The following HS1BP3 variants were observed in gnomAD, a reference collection of about 807,000 sequenced individuals.
HS1BP3 encodes HCLS1-binding protein 3.
Under a neutral mutation model 33.5 loss-of-function variants are expected in HS1BP3, and 32 were observed. The ratio of observed to expected loss-of-function variants is 0.95; its 90% CI spans 0.72 to 1.28. HS1BP3 has a LOEUF of 1.28. Among genes scored for constraint, HS1BP3 ranks in the 50% most tolerant of loss-of-function variants. The pLI is 0.00. For missense variants in HS1BP3, 486 were observed against 502.3 expected (o/e 0.97, Z 0.31); for synonymous variants, 187 against 209.2 (o/e 0.89, Z 0.92).
chr2:20,607,160 T>TC (rs1405641992), intron 2 of HS1BP3, among the ~76,000 whole-genome samples: 1 of 101,036 alleles, frequency 9.9e-6, no homozygotes, highest in East Asian at 4.2e-4. Flanking sequence ...GCAACTTCAT[T>TC]CTTTTTTTTT....
At chr2:20,616,749 A>C (rs190433240), downstream of HS1BP3, among the ~76,000 whole-genome samples, 21 of 152,096 alleles carry the variant, frequency 1.4e-4, no homozygotes, top group East Asian at 3.7e-3. Context: ...CATTGTTTTA[A>C]AGGACAATCC....
At chr2:20,622,337 A>C (rs1383232536) in intron 6 of HS1BP3, 3 of 1,303,946 alleles carry the variant, frequency 2.3e-6, no homozygotes, top group Non-Finnish European at 3.0e-6. Context: ...TAAAAAAAAG[A>C]AAAGCAGTTA....
chr2:20,619,301 C>A, intron 6 of HS1BP3, 56 bp from the exon 7 acceptor site: 2 of 1,439,082 alleles, frequency 1.4e-6, no homozygotes, highest in Non-Finnish European at 1.9e-6. Flanking sequence ...GTGACAGGAA[C>A]AAGACCCCAG....
chr2:20,632,375 G>A (rs1032669351), intron 4 of HS1BP3, among the ~76,000 whole-genome samples: 1 of 152,232 alleles, frequency 6.6e-6, no homozygotes, highest in Non-Finnish European at 1.5e-5. Context: ...AGTGGGGAAT[G>A]CCCATCACCC....
chr2:20,569,441 T>G (rs1301379151), intron 5 of HS1BP3, among the ~76,000 whole-genome samples: 1 of 152,162 alleles, frequency 6.6e-6, no homozygotes, highest in Admixed American at 6.5e-5. Flanking sequence ...GGTGGCCAAA[T>G]TTGACAAAGA....
chr2:20,604,371 C>A (rs1381759890), intron 2 of HS1BP3, among the ~76,000 whole-genome samples: 1 of 152,172 alleles, frequency 6.6e-6, no homozygotes, highest in Non-Finnish European at 1.5e-5. Context: ...AAGACTGCCC[C>A]GGGACAGCCT....
chr2:20,639,548 T>C (rs1695273031), intron 3 of HS1BP3, among the ~76,000 whole-genome samples: 1 of 152,250 alleles, frequency 6.6e-6, no homozygotes, highest in Non-Finnish European at 1.5e-5. Flanking sequence ...TTAGAGAGTG[T>C]CTGGCATACA....
intron 3 of HS1BP3, among the ~76,000 whole-genome samples, chr2:20,597,106 T>C (rs1258081289): frequency 2.0e-5 from 3 of 152,192 alleles, no homozygotes; most frequent in Non-Finnish European, 4.4e-5. Context: ...CCTCTGTGTT[T>C]ATGACATGGC....
intron 2 of HS1BP3, among the ~76,000 whole-genome samples, chr2:20,612,166 G>T (rs942311019): frequency 6.6e-6 from 1 of 152,148 alleles, no homozygotes; most frequent in Non-Finnish European, 1.5e-5. Context: ...AGGAAATTGG[G>T]GCACAGAGAG....
At chr2:20,612,382 T>G (rs1694335107) in intron 2 of HS1BP3, among the ~76,000 whole-genome samples, 1 of 152,252 alleles carries the variant, frequency 6.6e-6, no homozygotes, top group Non-Finnish European at 1.5e-5. Context: ...ACAATTTTAG[T>G]AAACTTATCA....
intron 2 of HS1BP3, among the ~76,000 whole-genome samples, chr2:20,604,235 G>C (rs892654217): frequency 2.6e-5 from 4 of 152,216 alleles, no homozygotes; most frequent in African/African-American, 9.6e-5. Flanking sequence ...ATGGAGCCTA[G>C]GGGATGGTCT....
chr2:20,607,438 G>T (rs1390814644), intron 2 of HS1BP3, among the ~76,000 whole-genome samples: 1 of 152,196 alleles, frequency 6.6e-6, no homozygotes, highest in African/African-American at 2.4e-5. Flanking sequence ...TTACAGGCAT[G>T]AGCCACCACA....
At chr2:20,564,290 C>G (rs751205114) in intron 5 of HS1BP3, among the ~76,000 whole-genome samples, 2 of 152,190 alleles carry the variant, frequency 1.3e-5, no homozygotes, top group African/African-American at 2.4e-5. Flanking sequence ...GCAGGGTGGA[C>G]GGCTGTGACT....
chr2:20,615,940 G>A (rs1048259271), downstream of HS1BP3, among the ~76,000 whole-genome samples: 73 of 152,310 alleles, frequency 4.8e-4, 1 homozygote, highest in African/African-American at 1.7e-3. Context: ...GCTCTCCAGG[G>A]GGGCCCATGA....
At chr2:20,604,009 A>T (rs901885380) in intron 2 of HS1BP3, among the ~76,000 whole-genome samples, 1 of 152,224 alleles carries the variant, frequency 6.6e-6, no homozygotes, top group South Asian at 2.1e-4. Flanking sequence ...TGCTTCCCAG[A>T]GGGCCCTCCA....
downstream of HS1BP3, among the ~76,000 whole-genome samples, chr2:20,588,030 A>G (rs985444116): frequency 1.3e-5 from 2 of 151,800 alleles, no homozygotes; most frequent in African/African-American, 4.8e-5. Context: ...TGGGGATAGG[A>G]GGCACTCTCA....
chr2:20,581,041 C>T (rs1026663010), intron 5 of HS1BP3, among the ~76,000 whole-genome samples: 1 of 152,232 alleles, frequency 6.6e-6, no homozygotes, highest in East Asian at 1.9e-4. Flanking sequence ...TCCCAAAGAG[C>T]AGGCTGTCTT....
chr2:20,645,850 C>T (rs1336551684), intron 1 of HS1BP3, among the ~76,000 whole-genome samples: 2 of 152,220 alleles, frequency 1.3e-5, no homozygotes, highest in Non-Finnish European at 2.9e-5. Context: ...CTACTCAGAC[C>T]AAGGAACATG....
At chr2:20,583,224 C>A (rs1423579401) in intron 5 of HS1BP3, among the ~76,000 whole-genome samples, 1 of 152,268 alleles carries the variant, frequency 6.6e-6, no homozygotes, top group Non-Finnish European at 1.5e-5. Context: ...CATTGCACTT[C>A]ACCTTCCGAT....
Sources: allele counts gnomAD v4.1 joint callset (sites outside exome capture counted in the v4.1 genomes callset), GRCh38; gene constraint gnomAD v4.1.1; transcripts MANE v1.5; gene names NCBI Gene and HGNC (gene_info 2026-07-23, HGNC 2026-07-21).